The following RBPMS variants were observed in gnomAD, a reference collection of about 807,000 sequenced individuals.
The protein encoded by RBPMS is RNA-binding protein with multiple splicing.
In RBPMS, 7 loss-of-function variants were observed where a neutral mutation model predicts 26.8. The ratio of observed to expected loss-of-function variants is 0.26; its 90% confidence interval spans 0.15 to 0.49. The LOEUF (loss-of-function observed/expected upper bound fraction) is 0.49. RBPMS is among the 20% of genes least tolerant of loss of function. RBPMS has a pLI of 0.98. For missense variants in RBPMS, 186 were observed against 250.0 expected (o/e 0.74, Z 1.73); for synonymous variants, 96 against 93.3 (o/e 1.03, Z -0.17).
chr8:30,483,638 T>G (rs988010680), intron 4 of RBPMS, among the ~76,000 whole-genome samples: 2 of 152,162 alleles, frequency 1.3e-5, no homozygotes, highest in African/African-American at 4.8e-5. Context: ...TTTTAATGAC[T>G]TTTAAATGTA....
At chr8:30,441,098 G>A (rs1334405383) in intron 1 of RBPMS, among the ~76,000 whole-genome samples, 1 of 152,020 alleles carries the variant, frequency 6.6e-6, no homozygotes, top group Non-Finnish European at 1.5e-5. Flanking sequence ...AACTACAGGA[G>A]TGAGCTACCC....
intron 7 of RBPMS, chr8:30,565,006 C>G (rs913690782): frequency 6.6e-6 from 1 of 152,164 alleles, no homozygotes; most frequent in African/African-American, 2.4e-5. Context: ...ATACAGCCTC[C>G]CGGGAAATGT....
At chr8:30,541,917 G>A (rs909844504) in intron 5 of RBPMS, among the ~76,000 whole-genome samples, 3 of 152,254 alleles carry the variant, frequency 2.0e-5, no homozygotes, top group African/African-American at 7.2e-5. Context: ...CGTCAAAGGA[G>A]TGTATGTGTG....
intron 1 of RBPMS, among the ~76,000 whole-genome samples, chr8:30,427,456 GTTCTTTACCTGGAATGCCCTTCCA>G (rs1811479437): frequency 6.6e-6 from 1 of 152,102 alleles, no homozygotes; most frequent in Admixed American, 6.5e-5. Context: ...AGCACATCTT[GTTCTTTACCTGGAATGCCCTTCCA>G]TTCTTCCTCC....
At chr8:30,544,843 G>A in intron 6 of RBPMS, 1 of 1,526,166 alleles carries the variant, frequency 6.6e-7, no homozygotes. Context: ...TGCCCCAAAT[G>A]ACACCTCTCT....
intron 1 of RBPMS, among the ~76,000 whole-genome samples, chr8:30,439,662 T>G (rs1715372594): frequency 6.6e-6 from 1 of 152,076 alleles, no homozygotes; most frequent in African/African-American, 2.4e-5. Flanking sequence ...CCTTTTGTTT[T>G]GTTTTTGTTT....
At chr8:30,555,199 A>G (rs1826752582) in intron 6 of RBPMS, among the ~76,000 whole-genome samples, 1 of 152,126 alleles carries the variant, frequency 6.6e-6, no homozygotes, top group South Asian at 2.1e-4. Context: ...CTGTTGTCCA[A>G]TCTGTCACCA....
At position 30,535,719 on chromosome 8, in the gene RBPMS, T is replaced by G. The variant is rs79614718; in HGVS notation, c.398-8775T>G. 4.1e-4 allele frequency among the ~76,000 whole-genome samples: 62 copies of G among 152,318 alleles called. No homozygotes were observed. In the East Asian group the frequency reaches 0.011, roughly 27 times the overall value. ...CTGGGATTACAAGCATGTGCCCTGT[T>G]CTGTTTTTAAGGATGATTCCCAGTG... On this transcript the variant is annotated intron_variant, in intron 5 of 8. Transcript: ENST00000397323.
chr8:30,420,184 C>T (rs899391204), intron 1 of RBPMS, among the ~76,000 whole-genome samples: 1 of 151,124 alleles, frequency 6.6e-6, no homozygotes, highest in Non-Finnish European at 1.5e-5. Context: ...GCCGTGATCA[C>T]ACCACTGCAC....
At chr8:30,492,141 C>T (rs1301790831) in intron 4 of RBPMS, among the ~76,000 whole-genome samples, 1 of 152,156 alleles carries the variant, frequency 6.6e-6, no homozygotes, top group Non-Finnish European at 1.5e-5. Flanking sequence ...ATCCACCTGC[C>T]CCGGCCTCCC....
chr8:30,567,214 C>A (rs531078810), intron 8 of RBPMS, among the ~76,000 whole-genome samples: 1 of 152,282 alleles, frequency 6.6e-6, no homozygotes, highest in African/African-American at 2.4e-5. Context: ...GAGAACCAAG[C>A]GCTTCTGGCC....
intron 1 of RBPMS, among the ~76,000 whole-genome samples, chr8:30,430,276 T>C (rs1400601819): frequency 6.6e-6 from 1 of 152,182 alleles, no homozygotes; most frequent in Non-Finnish European, 1.5e-5. Flanking sequence ...TGAAGTCTTA[T>C]ATGTCCCCCT....
chr8:30,524,742 T>G (rs1301066270), intron 5 of RBPMS, among the ~76,000 whole-genome samples: 1 of 152,216 alleles, frequency 6.6e-6, no homozygotes, highest in Non-Finnish European at 1.5e-5. Flanking sequence ...ATCCAGCCAT[T>G]GATAATCATT....
At chr8:30,509,478 T>G (rs1821367063) in intron 5 of RBPMS, among the ~76,000 whole-genome samples, 1 of 152,204 alleles carries the variant, frequency 6.6e-6, no homozygotes, top group South Asian at 2.1e-4. Context: ...CAGGAGAGCC[T>G]GTAAAGTATC....
chr8:30,558,633 G>A (rs556764817), intron 6 of RBPMS: 1 of 577,114 alleles, frequency 1.7e-6, no homozygotes, highest in Non-Finnish European at 3.1e-6. Flanking sequence ...AGAGGAGTTG[G>A]TGGAACCTCG....
At chr8:30,488,850 C>A (rs1014593603) in intron 4 of RBPMS, among the ~76,000 whole-genome samples, 7 of 152,096 alleles carry the variant, frequency 4.6e-5, no homozygotes, top group Admixed American at 2.6e-4. Flanking sequence ...AAGAAGAGAA[C>A]AATGGAAGTA....
At chr8:30,524,850 A>AGTAAAACTACTTTTTC (rs1210435531) in intron 5 of RBPMS, among the ~76,000 whole-genome samples, 1 of 152,210 alleles carries the variant, frequency 6.6e-6, no homozygotes, top group African/African-American at 2.4e-5. Flanking sequence ...AAACTTTATC[A>AGTAAAACTACTTTTTC]GTAAAACTAC....
intron 7 of RBPMS, chr8:30,564,772 A>G (rs1827764695): frequency 6.6e-6 from 1 of 151,538 alleles, no homozygotes; most frequent in Non-Finnish European, 1.5e-5. Flanking sequence ...GGGCTCCGCG[A>G]CTCCTGAGAG....
chr8:30,446,800 T>TGTGTGC (rs1263896636), intron 1 of RBPMS: 43 of 46,758 alleles, frequency 9.2e-4, no homozygotes, highest in African/African-American at 4.4e-3. Flanking sequence ...ATGGCTTGTG[T>TGTGTGC]GTGTGTGTGT....
Sources: gnomAD v4.1 joint callset for allele counts (sites outside exome capture counted in the v4.1 genomes callset) on GRCh38, gnomAD v4.1.1 for gene constraint, MANE v1.5 for transcripts, NCBI Gene and HGNC (gene_info 2026-07-23, HGNC 2026-07-21) for gene names.